The following CCDC102B variants were observed in gnomAD, a reference collection of about 807,000 sequenced individuals.
CCDC102B encodes the protein coiled-coil domain-containing protein 102B.
CCDC102B carries 75 observed loss-of-function variants against 57.4 expected under a neutral mutation model. That is an observed-to-expected ratio of 1.31 (90% confidence interval 1.08 to 1.58). The LOEUF (loss-of-function observed/expected upper bound fraction) is 1.58, where lower values mean the gene tolerates loss of function less well. CCDC102B is among the 40% of genes most tolerant of loss of function. The probability of loss-of-function intolerance (pLI) is 0.00; values close to 1 mark genes in which losing one functional copy is unlikely to be tolerated. For synonymous variants in CCDC102B, 206 were observed against 201.9 expected (o/e 1.02, Z -0.17); for missense variants, 636 against 582.6 (o/e 1.09, Z -0.94).
chr18:69,025,425 G>A (rs1321621335), intron 7 of CCDC102B, among the ~76,000 whole-genome samples: 2 of 152,198 alleles, frequency 1.3e-5, no homozygotes, highest in Admixed American at 1.3e-4. Context: ...AGAGAAAATA[G>A]CTTTGGATGT....
chr18:68,936,859 TA>T (rs140210331), intron 6 of CCDC102B, among the ~76,000 whole-genome samples: 2,142 of 150,806 alleles, frequency 0.014, 53 homozygotes, highest in African/African-American at 0.049. Context: ...TATATACACA[TA>T]TACACACACA....
rs1568238728 is a variant in CCDC102B, at chr18:68,765,320, G to GAAAGAAA, written c.-67+48726_-67+48727insAAAGAAA. On this transcript the variant is annotated intron_variant, in intron 2 of 3. Transcript: ENST00000578970. ...AGGAAGGAAGGAAGGAAGGAAGGAA[G>GAAAGAAA]GAAGGAAAGAAAGAAAGAAAGAAAG... is the stretch of plus-strand genomic sequence containing the variant. Among the ~76,000 whole-genome samples, 391 of 40,540 alleles carry GAAAGAAA rather than the reference G, an allele frequency of 9.6e-3. 3 individuals carry two copies. The highest frequency in any genetic ancestry group is 0.024 in the Middle Eastern group (2 of 84). The allele number at this position is 40,540 out of a possible 152,430, so 26.6% of individuals were successfully genotyped here.
At position 68,781,897 on chromosome 18, in the gene CCDC102B, A is replaced by G. The variant is rs766989021; in HGVS notation, c.-66-41469A>G. 5.8e-4 allele frequency among the ~76,000 whole-genome samples: 88 copies of G among 152,132 alleles called. 1 individual carries two copies. The highest frequency in any genetic ancestry group is 8.8e-5 in the Non-Finnish European group (6 of 67,984). ...TTTCAATTTTTAAGATCTAAGAGATATAACTAGAATAACAGTCATTGAGGT... is the reference window on the plus strand; with the variant it reads ...TTTCAATTTTTAAGATCTAAGAGATGTAACTAGAATAACAGTCATTGAGGT... On this transcript the variant is annotated intron_variant, in intron 2 of 3. Coordinates refer to the CCDC102B transcript ENST00000578970.
chr18:68,807,740 A>G (rs971572595), intron 1 of CCDC102B, among the ~76,000 whole-genome samples: 5 of 152,208 alleles, frequency 3.3e-5, no homozygotes, highest in Admixed American at 2.6e-4. Flanking sequence ...ATGAAAGGAA[A>G]CAAATGAAAA....
intron 4 of CCDC102B, among the ~76,000 whole-genome samples, chr18:68,863,854 A>G (rs923443534): frequency 1.3e-5 from 2 of 151,998 alleles, no homozygotes; most frequent in South Asian, 2.1e-4. Context: ...TATATTGTCT[A>G]TTGTGTACAA....
intron 1 of CCDC102B, chr18:68,823,515 G>GA (rs2036778517): frequency 6.6e-6 from 1 of 152,194 alleles, no homozygotes; most frequent in Non-Finnish European, 1.5e-5. Context: ...ATGAGCCTAT[G>GA]AGTGCACGTG....
At chr18:68,910,011 A>C (rs1235398831) in intron 6 of CCDC102B, among the ~76,000 whole-genome samples, 2 of 152,174 alleles carry the variant, frequency 1.3e-5, no homozygotes, top group Non-Finnish European at 2.9e-5. Context: ...GAGATAGAGA[A>C]TTAGACTGGG....
intron 2 of CCDC102B, among the ~76,000 whole-genome samples, chr18:68,770,391 G>A (rs1219717163): frequency 3.9e-5 from 6 of 152,172 alleles, no homozygotes; most frequent in African/African-American, 1.4e-4. Context: ...CCATGTGTCA[G>A]TTGATCTAGA....
intron 6 of CCDC102B, among the ~76,000 whole-genome samples, chr18:68,992,024 G>C (rs897567305): frequency 4.0e-5 from 6 of 151,714 alleles, no homozygotes; most frequent in Non-Finnish European, 1.5e-5. Context: ...AATGTTTCCA[G>C]GTACACTTAA....
chr18:68,725,005 A>C (rs759025172), intron 2 of CCDC102B, among the ~76,000 whole-genome samples: 4 of 152,226 alleles, frequency 2.6e-5, no homozygotes, highest in Non-Finnish European at 4.4e-5. Context: ...AGACCGCAGG[A>C]AACTTACAAT....
At chr18:68,761,481 T>G (rs2145268859) in intron 2 of CCDC102B, among the ~76,000 whole-genome samples, 1 of 152,186 alleles carries the variant, frequency 6.6e-6, no homozygotes, top group African/African-American at 2.4e-5. Flanking sequence ...CCACTCTGAG[T>G]GTGAATTTGT....
intron 2 of CCDC102B, among the ~76,000 whole-genome samples, chr18:68,774,261 T>TATA (rs1411265093): frequency 5.3e-5 from 8 of 151,744 alleles, no homozygotes; most frequent in Non-Finnish European, 1.0e-4. Context: ...AAAACTAGAG[T>TATA]ATATAAATGT....
chr18:68,930,423 A>G (rs1415073155), intron 6 of CCDC102B, among the ~76,000 whole-genome samples: 2 of 151,894 alleles, frequency 1.3e-5, no homozygotes, highest in Non-Finnish European at 2.9e-5. Context: ...AAAGTAATAC[A>G]GTAAGTAACA....
At chr18:68,902,137 A>G (rs1386898417) in intron 6 of CCDC102B, 2 of 152,148 alleles carry the variant, frequency 1.3e-5, no homozygotes, top group Non-Finnish European at 2.9e-5. Flanking sequence ...TTTCTACTCT[A>G]CTACCAGAGT....
chr18:69,052,093 T>A (rs2052720559), intron 7 of CCDC102B, among the ~76,000 whole-genome samples: 1 of 151,818 alleles, frequency 6.6e-6, no homozygotes, highest in Non-Finnish European at 1.5e-5. Flanking sequence ...TGCTTGGGAC[T>A]CTTATGACCA....
intron 6 of CCDC102B, among the ~76,000 whole-genome samples, chr18:69,003,986 C>T (rs888784846): frequency 2.0e-5 from 3 of 152,130 alleles, no homozygotes; most frequent in Non-Finnish European, 2.9e-5. Context: ...ATTATATACT[C>T]ACTTTACACA....
intron 5 of CCDC102B, among the ~76,000 whole-genome samples, chr18:68,875,532 G>A (rs1406979813): frequency 6.6e-6 from 1 of 152,064 alleles, no homozygotes; most frequent in African/African-American, 2.4e-5. Flanking sequence ...ACTGTAGGCT[G>A]GTAGAAAACT....
At chr18:68,987,494 C>T (rs569836991) in intron 6 of CCDC102B, among the ~76,000 whole-genome samples, 1 of 152,222 alleles carries the variant, frequency 6.6e-6, no homozygotes, top group South Asian at 2.1e-4. Flanking sequence ...CAGCGTCAAC[C>T]TTGGCAGGAT....
Position 68,857,294 on chromosome 18 carries a change from T to TATAA in CCDC102B, c.936+10876_936+10877insAATA, listed in dbSNP as rs1491430313. Among the ~76,000 whole-genome samples the TATAA allele has an allele frequency of 5.5e-4, 9 of 16,266 alleles. 1 individual carries two copies. Among genetic ancestry groups the TATAA allele is most frequent in the African/African-American group, 7.2e-4 (3 of 4,184 alleles). 10.7% of individuals were successfully genotyped at this position (16,266 alleles called of 152,430 possible). A position where few individuals can be genotyped will look rare whatever the true frequency, so the allele number is the denominator to read the frequency against. Reference sequence around the variant, plus strand: ...ATATATATAATATATATTTATATATTATATATATAATATATATTTATATAT... The same window carrying TATAA: ...ATATATATAATATATATTTATATATTATAAATATATATAATATATATTTATATAT... On this transcript the variant is annotated intron_variant, in intron 4 of 7. Coordinates refer to ENST00000360242, the MANE Select transcript of CCDC102B (RefSeq NM_024781.3).
Sources: gnomAD v4.1 joint callset for allele counts (sites outside exome capture counted in the v4.1 genomes callset) on GRCh38, gnomAD v4.1.1 for gene constraint, MANE v1.5 for transcripts, NCBI Gene and HGNC (gene_info 2026-07-23, HGNC 2026-07-21) for gene names.